The following GNPAT variants were observed in gnomAD, a reference collection of about 807,000 sequenced individuals.
GNPAT encodes dihydroxyacetone phosphate acyltransferase.
Under a neutral mutation model 78.4 loss-of-function variants are expected in GNPAT, and 30 were observed. The ratio of observed to expected loss-of-function variants is 0.38; its 90% CI spans 0.29 to 0.52. GNPAT has a LOEUF of 0.52. Ranked by LOEUF, GNPAT falls within the 20% of genes least tolerant of loss-of-function variation. GNPAT has a pLI of 0.84. For synonymous variants in GNPAT, 271 were observed against 281.1 expected, an observed-to-expected ratio of 0.96 and a Z score of 0.36; for missense variants, 714 against 812.2, an observed-to-expected ratio of 0.88 and a Z score of 1.47.
chr1:231,251,468 A>AT (rs950230820), intron 2 of GNPAT, among the ~76,000 whole-genome samples: 7 of 152,112 alleles, frequency 4.6e-5, no homozygotes, highest in Admixed American at 1.3e-4. Flanking sequence ...CAAGGAAGTG[A>AT]TTTTTTTTAA....
At chr1:231,250,717 T>C (rs1436658147) in intron 1 of GNPAT, among the ~76,000 whole-genome samples, 1 of 152,190 alleles carries the variant, frequency 6.6e-6, no homozygotes, top group African/African-American at 2.4e-5. Context: ...CCCAAAGAGA[T>C]ACTGACAATG....
rs374672801 is a variant in GNPAT, at chr1:231,266,234, T to G, written c.925-43T>G. The G allele has an allele frequency of 1.2e-5, 20 of 1,613,684 alleles. No homozygotes were observed. In the African/African-American group the frequency reaches 2.3e-4, roughly 18 times the overall value. On this transcript the variant is annotated intron_variant, in intron 7 of 15. Transcript: ENST00000366647. ...TGACACATCAACTAATTTCTAAATT[T>G]ACTGCTTTTCGTTTTCTTCCCCCCC...
rs759266291 is a variant in GNPAT at position 231,275,398 on chromosome 1, A to G, written c.1844-7A>G. The G allele has an allele frequency of 5.0e-6, 8 of 1,601,310 alleles. No individual in the cohort carries two copies. In the African/African-American group the frequency reaches 6.7e-5, roughly 13 times the overall value. The stretch of plus-strand genomic sequence containing the variant: ...GTCAACTAACTCTTCCTCACCCCCA[A>G]TTTTAGGTACCTCTCAATGTTATGA... On this transcript the variant is annotated splice_region_variant and splice_polypyrimidine_tract_variant and intron_variant, in intron 13 of 15. Transcript: ENST00000366647.
intron 8 of GNPAT, among the ~76,000 whole-genome samples, chr1:231,266,784 T>C (rs1685401675): frequency 6.6e-6 from 1 of 152,206 alleles, no homozygotes; most frequent in Non-Finnish European, 1.5e-5. Flanking sequence ...AAGGATTGCA[T>C]AATGGTAATG....
In GNPAT at chr1:231,266,265, T is replaced by C. The variant is rs1347781474; in HGVS notation, c.925-12T>C. 6.2e-7 allele frequency: 1 copy of C among 1,613,964 alleles called. No individual in the cohort carries two copies. Among genetic ancestry groups the C allele is most frequent in the Admixed American group, 1.7e-5 (1 of 60,000 alleles). On this transcript the variant is annotated splice_polypyrimidine_tract_variant and intron_variant, in intron 7 of 15. Transcript: ENST00000366647. ...TTTTCGTTTTCTTCCCCCCCTGTTA[T>C]GGTACTATTAGGGGTTGCTGAAAGC...
intron 4 of GNPAT, among the ~76,000 whole-genome samples, chr1:231,264,434 A>G (rs966211343): frequency 1.4e-4 from 22 of 152,214 alleles, no homozygotes; most frequent in South Asian, 2.1e-4. Flanking sequence ...TCGATTCCTA[A>G]AAGTGGGATT....
chr1:231,248,943 A>G (rs543944345), intron 1 of GNPAT, among the ~76,000 whole-genome samples: 142 of 152,334 alleles, frequency 9.3e-4, no homozygotes, highest in African/African-American at 3.3e-3. Flanking sequence ...ACACTCTGTG[A>G]TGTTTGTACA....
chr1:231,266,291 C>T lies in GNPAT; in HGVS notation c.939C>T (p.Ala313=), dbSNP rs1166206393. 1 of 1,614,110 alleles carries T rather than the reference C, an allele frequency of 6.2e-7. No individual in the cohort carries two copies. Among genetic ancestry groups the T allele is most frequent in the East Asian group, 2.2e-5 (1 of 44,870 alleles). The change falls in exon 8 of 16, where the codon GCC becomes GCT. Residue 313 remains alanine (A), a synonymous_variant. Coordinates refer to ENST00000366647, the MANE Select transcript of GNPAT (RefSeq NM_014236.4). ...GGTACTATTAGGGGTTGCTGAAAGC[C>T]AGAAAGATTCTCTCTGAAAATTTTG... ...PKESTTGLLK[A]RKILSENFGS...
intron 2 of GNPAT, among the ~76,000 whole-genome samples, chr1:231,259,907 C>T (rs1685176488): frequency 6.6e-6 from 1 of 152,176 alleles, no homozygotes; most frequent in African/African-American, 2.4e-5. Flanking sequence ...CTGACTTGCT[C>T]ATCTCCAGGC....
chr1:231,255,710 C>T (rs559608010), intron 2 of GNPAT, among the ~76,000 whole-genome samples: 8 of 152,182 alleles, frequency 5.3e-5, no homozygotes, highest in Non-Finnish European at 1.0e-4. Context: ...GCTGGGATTA[C>T]AGGTGTGAGC....
At chr1:231,275,153 T>C in intron 12 of GNPAT, 68 bp from the exon 13 acceptor site, 1 of 879,806 alleles carries the variant, frequency 1.1e-6, no homozygotes. Flanking sequence ...TAAAGTTATT[T>C]ACTATTCTGT....
At position 231,265,267 on chromosome 1, in the gene GNPAT, AATAAAT is replaced by A; in HGVS notation, c.569-23_569-18del. ...TTTATAGAAGATTTCAAGATCTGCA[AATAAAT>A]ATTATCCCCTCTTTTTTAGACTTCC... On this transcript the variant is annotated intron_variant, in intron 4 of 15. Coordinates refer to ENST00000366647, the MANE Select transcript of GNPAT (RefSeq NM_014236.4). 1 of 1,555,154 alleles carries A rather than the reference AATAAAT, an allele frequency of 6.4e-7. No individual in the cohort carries two copies. The highest frequency in any genetic ancestry group is 8.9e-7 in the Non-Finnish European group (1 of 1,126,164).
In GNPAT at chr1:231,266,138, G is replaced by A. The variant is rs143515047; in HGVS notation, c.897G>A (p.Gly299=). Reference sequence around the variant, plus strand: ...CTCTTTATGTGTATGAGCTTCTAGGGGTTCCTAAACCAAAAGAGTCTACAA... The same window carrying A: ...CTCTTTATGTGTATGAGCTTCTAGGAGTTCCTAAACCAAAAGAGTCTACAA... ...EETLYVYELL[G]VPKPKESTTG... is the part of the protein sequence containing the mutation. The change falls in exon 7 of 16, where the codon GGG becomes GGA. Residue 299 remains glycine, a synonymous_variant. Coordinates refer to ENST00000366647, the MANE Select transcript of GNPAT (RefSeq NM_014236.4). 7 of 1,613,110 alleles carry A rather than the reference G, an allele frequency of 4.3e-6. No individual in the cohort carries two copies. The African/African-American group carries it at 9.3e-5, about 22-fold the overall frequency.
chr1:231,267,108 A>G (rs959828461), intron 8 of GNPAT, among the ~76,000 whole-genome samples: 1 of 152,208 alleles, frequency 6.6e-6, no homozygotes, highest in African/African-American at 2.4e-5. Context: ...ATTACCTAGT[A>G]CAGGGCACCC....
rs557224165 is a variant in GNPAT, at chr1:231,254,460, G to A, written c.261+3317G>A. ...ACAGTGAAAAATTTTTTTTTTTTTT[G>A]AGACGGAGTCTCGCTCTGTCACCCA... is the stretch of plus-strand genomic sequence containing the variant. On this transcript the variant is annotated intron_variant, in intron 2 of 15. Transcript: ENST00000366647. 1.1e-4 allele frequency among the ~76,000 whole-genome samples: 16 copies of A among 141,088 alleles called. No homozygotes were observed. In the South Asian group the frequency reaches 3.6e-3, roughly 32 times the overall value. The allele number at this position is 141,088 out of a possible 152,430, so 92.6% of individuals were successfully genotyped here. A position where few individuals can be genotyped will look rare whatever the true frequency, so the allele number is the denominator to read the frequency against.
intron 2 of GNPAT, among the ~76,000 whole-genome samples, chr1:231,255,280 C>T (rs1685017843): frequency 6.6e-6 from 1 of 152,134 alleles, no homozygotes; most frequent in African/African-American, 2.4e-5. Context: ...TCAACTACTT[C>T]TTTATTAGCT....
chr1:231,260,845 T>C (rs1028633737), intron 3 of GNPAT, among the ~76,000 whole-genome samples, 162 bp downstream of exon 3: 1 of 152,220 alleles, frequency 6.6e-6, no homozygotes, highest in African/African-American at 2.4e-5. Flanking sequence ...GCCTCCAGTC[T>C]AGGCAGAAGA....
chr1:231,272,725 C>T (rs954986327), intron 11 of GNPAT, among the ~76,000 whole-genome samples: 5 of 152,160 alleles, frequency 3.3e-5, no homozygotes, highest in African/African-American at 1.2e-4. Flanking sequence ...AATCCCAGCA[C>T]TTTGGGAGGC....
chr1:231,275,049 T>C, intron 12 of GNPAT, 172 bp from the exon 13 acceptor site: 1 of 604,196 alleles, frequency 1.7e-6, no homozygotes, highest in Non-Finnish European at 3.0e-6. Context: ...TCAAAGGAGA[T>C]GCCCTAAAAA....
Sources: allele counts gnomAD v4.1 joint callset (sites outside exome capture counted in the v4.1 genomes callset), GRCh38; gene constraint gnomAD v4.1.1; transcripts MANE v1.5; gene names NCBI Gene and HGNC (gene_info 2026-07-23, HGNC 2026-07-21).